Variants in SPPL3 observed in about 807,000 individuals in gnomAD.
The protein encoded by SPPL3 is signal peptide peptidase like 3.
A neutral mutation model predicts 42.4 loss-of-function variants in SPPL3; 5 were observed. The observed-to-expected ratio is 0.12, with a 90% CI of 0.06 to 0.25. SPPL3 has a LOEUF of 0.25. Ranked by LOEUF, SPPL3 falls within the 10% of genes least tolerant of loss-of-function variation. The pLI, the probability that SPPL3 is intolerant of heterozygous loss-of-function variation, is 1.00. For synonymous variants in SPPL3, 195 were observed against 181.8 expected (o/e 1.07, Z -0.58); for missense variants, 235 against 489.0 (o/e 0.48, Z 4.90).
intron 1 of SPPL3, among the ~76,000 whole-genome samples, chr12:120,896,027 C>T (rs928567773): frequency 3.3e-5 from 5 of 152,106 alleles, no homozygotes; most frequent in Admixed American, 2.0e-4. Context: ...TACATCTCCA[C>T]TTCAGAGCAC....
intron 1 of SPPL3, among the ~76,000 whole-genome samples, chr12:120,875,089 C>A (rs144582296): frequency 6.6e-6 from 1 of 152,108 alleles, no homozygotes. Context: ...ATACTCCCAG[C>A]CCCCAGCTTT....
At chr12:120,809,544 A>G (rs1870612309) in intron 2 of SPPL3, among the ~76,000 whole-genome samples, 1 of 152,184 alleles carries the variant, frequency 6.6e-6, no homozygotes, top group Admixed American at 6.6e-5. Flanking sequence ...CTTCCTTTCA[A>G]GTTCTCAACT....
intron 6 of SPPL3, among the ~76,000 whole-genome samples, chr12:120,782,187 G>A (rs1869568009): frequency 6.6e-6 from 1 of 152,182 alleles, no homozygotes; most frequent in South Asian, 2.1e-4. Context: ...ATATAAAAAA[G>A]CATAGTCTGC....
chr12:120,889,465 G>A (rs1873564432), intron 1 of SPPL3, among the ~76,000 whole-genome samples: 1 of 152,254 alleles, frequency 6.6e-6, no homozygotes, highest in Admixed American at 6.5e-5. Context: ...CAGTGTGCCA[G>A]TTCTAAGCCT....
intron 5 of SPPL3, 42 bp from the exon 6 acceptor site, chr12:120,782,809 A>T (rs1238976062): frequency 1.4e-6 from 2 of 1,404,000 alleles, no homozygotes; most frequent in African/African-American, 1.4e-5. Context: ...GGCACACTTT[A>T]TTCAGTAACC....
At chr12:120,856,393 T>C (rs1427491617) in intron 1 of SPPL3, among the ~76,000 whole-genome samples, 1 of 151,334 alleles carries the variant, frequency 6.6e-6, no homozygotes, top group Non-Finnish European at 1.5e-5. Context: ...GCAGCAAGCC[T>C]AGAGGTGAGG....
intron 1 of SPPL3, among the ~76,000 whole-genome samples, chr12:120,831,476 T>G (rs1746995745): frequency 6.6e-6 from 1 of 152,192 alleles, no homozygotes; most frequent in Admixed American, 6.5e-5. Flanking sequence ...TCCTCTAAAA[T>G]AAATTTCTCC....
rs201662278 is a variant in SPPL3, at chr12:120,764,990, C to T, written c.*9G>A. The T allele has an allele frequency of 1.7e-5, 28 of 1,613,426 alleles. No homozygotes were observed. The highest frequency in any genetic ancestry group is 1.6e-4 in the Middle Eastern group (1 of 6,082). On this transcript the variant is annotated 3_prime_UTR_variant, in exon 11 of 11. Transcript: ENST00000353487. ...ATGACGGCCATCTGGTCACTTTCCA[C>T]GTGATCCATCATACTTCCAGGAATC...
chr12:120,763,261 C>G lies in SPPL3; in HGVS notation c.*1738G>C, dbSNP rs1054093736. 2 of 152,348 alleles carry G rather than the reference C, an allele frequency of 1.3e-5. No homozygotes were observed. Among genetic ancestry groups the G allele is most frequent in the Non-Finnish European group, 2.9e-5 (2 of 68,052 alleles). 9.4% of individuals were successfully genotyped at this position (152,348 alleles called of 1,614,324 possible). On this transcript the variant is annotated 3_prime_UTR_variant, in exon 11 of 11. Transcript: ENST00000353487. Reference sequence around the variant, plus strand: ...AAGGAGTCATTTATTAAAAACAAAACCCCAGAAACCCCTCAGCAGGAATTG... The same window carrying G: ...AAGGAGTCATTTATTAAAAACAAAAGCCCAGAAACCCCTCAGCAGGAATTG...
chr12:120,844,399 T>C (rs950388197), intron 1 of SPPL3, among the ~76,000 whole-genome samples: 5 of 152,154 alleles, frequency 3.3e-5, no homozygotes, highest in African/African-American at 1.2e-4. Context: ...ACACAACCAA[T>C]TCTTTATGCC....
At position 120,853,983 on chromosome 12, in the gene SPPL3, T is replaced by TACACACACACACACACACAC. The variant is rs58246859; in HGVS notation, c.24-43117_24-43098dup. 5.2e-4 allele frequency among the ~76,000 whole-genome samples: 68 copies of TACACACACACACACACACAC among 130,296 alleles called. 1 individual carries two copies. In the Middle Eastern group the frequency reaches 0.011, roughly 21 times the overall value. 85.5% of individuals were successfully genotyped at this position (130,296 alleles called of 152,430 possible). Reference sequence around the variant, plus strand: ...CACCACCACCACACACACGCACACATACACACACACACACACACACACACA... The same window carrying TACACACACACACACACACAC: ...CACCACCACCACACACACGCACACATACACACACACACACACACACACACACACACACACACACACACACA... On this transcript the variant is annotated intron_variant, in intron 1 of 10. Coordinates refer to ENST00000353487, the MANE Select transcript of SPPL3 (RefSeq NM_139015.5).
chr12:120,778,111 A>ATTTTTTT (rs57779322), intron 6 of SPPL3, among the ~76,000 whole-genome samples: 1,694 of 90,894 alleles, frequency 0.019, 119 homozygotes, highest in Middle Eastern at 0.028. Context: ...CTGAAAAGCA[A>ATTTTTTT]TTTTTTTTTT....
chr12:120,764,931 G>A lies in SPPL3; in HGVS notation c.*68C>T. The A allele has an allele frequency of 1.3e-6, 2 of 1,550,896 alleles. No individual in the cohort carries two copies. Among genetic ancestry groups the A allele is most frequent in the Non-Finnish European group, 1.8e-6 (2 of 1,132,706 alleles). Reference sequence around the variant, plus strand: ...TTTCTGAGTACCAGGCCAGCTCTAAGAGGAAACAAACCATGAGTTGAGAGA... The same window carrying A: ...TTTCTGAGTACCAGGCCAGCTCTAAAAGGAAACAAACCATGAGTTGAGAGA... On this transcript the variant is annotated 3_prime_UTR_variant, in exon 11 of 11. Transcript: ENST00000353487.
At position 120,852,339 on chromosome 12, in the gene SPPL3, T is replaced by C. The variant is rs960408982; in HGVS notation, c.24-41453A>G. On this transcript the variant is annotated intron_variant, in intron 1 of 10. Transcript: ENST00000353487. ...TTATATAATCATATATATTAATTTA[T>C]ATATACATATTTTACATATATGAAA... Among the ~76,000 whole-genome samples, 3 of 137,376 alleles carry C rather than the reference T, an allele frequency of 2.2e-5. No homozygotes were observed. In the East Asian group the frequency reaches 6.2e-4, roughly 28 times the overall value. 90.1% of individuals were successfully genotyped at this position (137,376 alleles called of 152,430 possible). A position where few individuals can be genotyped will look rare whatever the true frequency, so the allele number is the denominator to read the frequency against.
chr12:120,848,481 GA>G (rs1438310663), intron 1 of SPPL3, among the ~76,000 whole-genome samples: 4 of 152,140 alleles, frequency 2.6e-5, no homozygotes, highest in Non-Finnish European at 4.4e-5. Context: ...TAATGACTGA[GA>G]ATAGTGGTAT....
intron 1 of SPPL3, among the ~76,000 whole-genome samples, chr12:120,822,096 A>T (rs748171642): frequency 1.3e-5 from 2 of 152,148 alleles, no homozygotes; most frequent in African/African-American, 4.8e-5. Context: ...ACTGGAGAGA[A>T]AGGGAATGGG....
intron 1 of SPPL3, among the ~76,000 whole-genome samples, chr12:120,862,796 C>T (rs1274346517): frequency 6.6e-6 from 1 of 152,094 alleles, no homozygotes; most frequent in Non-Finnish European, 1.5e-5. Flanking sequence ...ATCTCCAACC[C>T]CTCTCCCCTC....
At chr12:120,810,741 G>C (rs879149349) in intron 2 of SPPL3, 68 bp downstream of exon 2, 4 of 1,245,114 alleles carry the variant, frequency 3.2e-6, no homozygotes, top group Non-Finnish European at 4.7e-6. Flanking sequence ...TTTGGTACCA[G>C]CACTTTCAGA....
chr12:120,889,243 C>T (rs1246141147), intron 1 of SPPL3, among the ~76,000 whole-genome samples: 3 of 152,154 alleles, frequency 2.0e-5, no homozygotes, highest in East Asian at 1.9e-4. Flanking sequence ...CATGAAAAAG[C>T]GATAAGTAGC....
Sources: gnomAD v4.1 joint callset for allele counts (sites outside exome capture counted in the v4.1 genomes callset) on GRCh38, gnomAD v4.1.1 for gene constraint, MANE v1.5 for transcripts, NCBI Gene and HGNC (gene_info 2026-07-23, HGNC 2026-07-21) for gene names.